DIP2A: variants seen among roughly 807,000 people sequenced by gnomAD.
The protein encoded by DIP2A is disco-interacting protein 2 homolog A.
Under a neutral mutation model 177.4 loss-of-function variants are expected in DIP2A, and 85 were observed. The ratio of observed to expected loss-of-function variants is 0.48; its 90% CI spans 0.40 to 0.57. The LOEUF is 0.57. Ranked by LOEUF, DIP2A falls within the 20% of genes least tolerant of loss-of-function variation. The pLI is 0.00. For synonymous variants in DIP2A, 886 were observed against 881.8 expected (o/e 1.00, Z -0.08); for missense variants, 1,791 against 2,100.2 (o/e 0.85, Z 2.88).
intron 18 of DIP2A, among the ~76,000 whole-genome samples, chr21:46,543,372 T>C (rs1271352350): frequency 2.0e-5 from 3 of 152,216 alleles, no homozygotes; most frequent in Non-Finnish European, 4.4e-5. Context: ...ATTTGTAAAA[T>C]GTGGATTAGG....
chr21:46,510,520 A>T (rs1228359938), intron 7 of DIP2A, among the ~76,000 whole-genome samples: 2 of 152,148 alleles, frequency 1.3e-5, no homozygotes, highest in Non-Finnish European at 2.9e-5. Context: ...GTTTCTTACC[A>T]CTTGGGCAAA....
intron 1 of DIP2A, among the ~76,000 whole-genome samples, chr21:46,478,338 G>A (rs889034653): frequency 4.6e-5 from 7 of 151,806 alleles, no homozygotes; most frequent in Admixed American, 1.3e-4. Context: ...TCAGCCTCCC[G>A]AGTAGCTGGG....
Position 46,538,622 on chromosome 21 carries a change from C to T in DIP2A, c.1921+20C>T, listed in dbSNP as rs114545975. On this transcript the variant is annotated intron_variant, in intron 16 of 37. Transcript: ENST00000417564. ...ACCCGTGTGAGTGAGCCTGTGTGCCCGGCGCATACCCCACACAGTGTCCCC... is the reference window on the plus strand; with the variant it reads ...ACCCGTGTGAGTGAGCCTGTGTGCCTGGCGCATACCCCACACAGTGTCCCC... 2,356 of 1,545,464 alleles carry T rather than the reference C, an allele frequency of 1.5e-3. 37 individuals are homozygous for T. The African/African-American group carries it at 0.028, about 19-fold the overall frequency.
rs747941265 is a variant in DIP2A at position 46,490,714 on chromosome 21, G to A, written c.278G>A (p.Arg93Gln). 4.5e-6 allele frequency: 7 copies of A among 1,572,576 alleles called. No homozygotes were observed. The highest frequency in any genetic ancestry group is 5.2e-6 in the Non-Finnish European group (6 of 1,158,968). The change falls in exon 3 of 38, where the codon CGG (arginine) becomes CAG (glutamine). Residue 93 changes from arginine (R) to glutamine (Q), a missense_variant. Physicochemically the swap from Arg to Gln is conservative, Grantham distance 43 (BLOSUM62 1). Transcript: ENST00000417564. ...ACCGCCTCGAGGGATGAGCGCTTCCGGTCAGGTAGGGTCACAGCCTAGGCA... is the reference window on the plus strand; with the variant it reads ...ACCGCCTCGAGGGATGAGCGCTTCCAGTCAGGTAGGGTCACAGCCTAGGCA... ...RPTASRDERF[R>Q]SDVHTEAVQA...
rs1216198184 is a variant in DIP2A at position 46,533,407 on chromosome 21, A to C, written c.1306-117A>C. ...AATAATGGGACTGAATTATTCTGGA[A>C]GTTTTATGAGGGATGAAAAAAAGAT... On this transcript the variant is annotated intron_variant, in intron 10 of 37. Coordinates refer to ENST00000417564, the MANE Select transcript of DIP2A (RefSeq NM_015151.4). 6 of 1,253,218 alleles carry C rather than the reference A, an allele frequency of 4.8e-6. No homozygotes were observed. In the East Asian group the frequency reaches 1.6e-4, roughly 33 times the overall value. 77.6% of individuals were successfully genotyped at this position (1,253,218 alleles called of 1,614,324 possible).
Position 46,537,775 on chromosome 21 carries a change from C to T in DIP2A, c.1801+236C>T, listed in dbSNP as rs1020189662. ...GGTAAGTAGGGCCACTTGGTGGGGT[C>T]TGGGCCTTACTTCTCTCAACGGTTG... On this transcript the variant is annotated intron_variant, in intron 15 of 37. Transcript: ENST00000417564. This position sits in a 1 kb window ranked among gnomAD's most constrained non-coding sequence, Gnocchi z 4.1. 6.6e-5 allele frequency among the ~76,000 whole-genome samples: 10 copies of T among 152,254 alleles called. No homozygotes were observed. The highest frequency in any genetic ancestry group is 2.1e-4 in the South Asian group (1 of 4,820).
At chr21:46,519,771 C>T (rs915202867) in intron 8 of DIP2A, among the ~76,000 whole-genome samples, 5 of 146,246 alleles carry the variant, frequency 3.4e-5, no homozygotes, top group African/African-American at 1.3e-4. Flanking sequence ...TAGGGATTTT[C>T]ATGAACTGGG....
chr21:46,477,574 T>TGTGTGTGTGTGTGTGTGTGTGTGTGTGTG (rs1292980032), intron 1 of DIP2A, among the ~76,000 whole-genome samples: 1 of 93,724 alleles, frequency 1.1e-5, no homozygotes, highest in East Asian at 2.8e-4. Context: ...TGTGTATTTC[T>TGTGTGTGTGTGTGTGTGTGTGTGTGTGTG]TTTTTTTTTT....
chr21:46,568,995 A>T lies in DIP2A; in HGVS notation c.*1373A>T, dbSNP rs1488377482. ...TAAGCTGAGTGATCTAAAATTATACAGAACCTAAATCAAAGAAGAGAATGT... is the reference window on the plus strand; with the variant it reads ...TAAGCTGAGTGATCTAAAATTATACTGAACCTAAATCAAAGAAGAGAATGT... On this transcript the variant is annotated 3_prime_UTR_variant, in exon 38 of 38. Coordinates refer to ENST00000417564, the MANE Select transcript of DIP2A (RefSeq NM_015151.4). 6.6e-6 allele frequency: 1 copy of T among 152,264 alleles called. No individual in the cohort carries two copies. The highest frequency in any genetic ancestry group is 2.4e-5 in the African/African-American group (1 of 41,472). 9.4% of individuals were successfully genotyped at this position (152,264 alleles called of 1,614,324 possible).
At chr21:46,540,028 G>A (rs202140918) in intron 17 of DIP2A, 37 bp downstream of exon 17, 15 of 1,543,838 alleles carry the variant, frequency 9.7e-6, no homozygotes, top group Non-Finnish European at 1.3e-5. Flanking sequence ...TGAGCACTTA[G>A]TTGAATCTTC....
At chr21:46,482,283 G>T (rs945925706) in intron 1 of DIP2A, among the ~76,000 whole-genome samples, 6 of 152,062 alleles carry the variant, frequency 3.9e-5, no homozygotes, top group Non-Finnish European at 8.8e-5. Flanking sequence ...AGATGTTTCG[G>T]GCAACGATTG....
chr21:46,534,810 A>G, intron 13 of DIP2A, 123 bp downstream of exon 13: 1 of 776,388 alleles, frequency 1.3e-6, no homozygotes, highest in Non-Finnish European at 2.1e-6. Flanking sequence ...TTGCCCATTA[A>G]TCCGGGTCAT....
rs541601247 is a variant in DIP2A, at chr21:46,564,712, G to A, written c.4164+780G>A. 4.6e-5 allele frequency among the ~76,000 whole-genome samples: 7 copies of A among 152,308 alleles called. No individual in the cohort carries two copies. The South Asian group carries it at 1.2e-3, about 27-fold the overall frequency. On this transcript the variant is annotated intron_variant, in intron 35 of 37. Transcript: ENST00000417564. ...CCAGACTGGGGGCTTCCAGCAAGCC[G>A]TGCCCAGAGGGAAATCACTCAGCCT...
chr21:46,549,947 T>TC (rs1283189347), intron 22 of DIP2A, 62 bp downstream of exon 22: 10 of 1,596,670 alleles, frequency 6.3e-6, no homozygotes, highest in Non-Finnish European at 8.5e-6. Context: ...CCCACTCCAC[T>TC]CCAAGTGCCA....
At position 46,550,718 on chromosome 21, in the gene DIP2A, T is replaced by G. The variant is rs2060239560; in HGVS notation, c.2813T>G (p.Leu938Arg). 1 of 1,613,954 alleles carries G rather than the reference T, an allele frequency of 6.2e-7. No individual in the cohort carries two copies. The highest frequency in any genetic ancestry group is 2.2e-5 in the East Asian group (1 of 44,884). The change falls in exon 23 of 38, where the codon CTC (leucine) becomes CGC (arginine). Residue 938 changes from leucine to arginine, a missense_variant. Transcript: ENST00000417564. ...LMCPHTCVTNLPKPRQKQPEV... is the reference protein window; with the variant it reads ...LMCPHTCVTNRPKPRQKQPEV... ...TGCCCTCACACCTGTGTTACCAACCTCCCCAAACCTCGTCAGAAACAACCA... is the reference window on the plus strand; with the variant it reads ...TGCCCTCACACCTGTGTTACCAACCGCCCCAAACCTCGTCAGAAACAACCA...
chr21:46,524,100 C>G (rs1458744593), intron 8 of DIP2A, among the ~76,000 whole-genome samples: 1 of 152,226 alleles, frequency 6.6e-6, no homozygotes, highest in African/African-American at 2.4e-5. Flanking sequence ...AGAAAAAATG[C>G]TCCCATGTTC....
Position 46,493,547 on chromosome 21 carries a change from T to A in DIP2A, c.283+2828T>A, listed in dbSNP as rs550623691. 8.0e-4 allele frequency among the ~76,000 whole-genome samples: 111 copies of A among 138,314 alleles called. 1 individual carries two copies. The highest frequency in any genetic ancestry group is 1.5e-3 in the Non-Finnish European group (94 of 60,980). The allele number at this position is 138,314 out of a possible 152,430, so 90.7% of individuals were successfully genotyped here. A position where few individuals can be genotyped will look rare whatever the true frequency, so the allele number is the denominator to read the frequency against. On this transcript the variant is annotated intron_variant, in intron 3 of 37. Coordinates refer to ENST00000417564, the MANE Select transcript of DIP2A (RefSeq NM_015151.4). Reference sequence around the variant, plus strand: ...AATGATAATTTGGCTGGATATAAAATTCTAGGTTTAACACTTTTTGTCTTC... The same window carrying A: ...AATGATAATTTGGCTGGATATAAAAATCTAGGTTTAACACTTTTTGTCTTC...
chr21:46,468,227 C>G (rs2148292111), intron 1 of DIP2A, among the ~76,000 whole-genome samples: 1 of 140,360 alleles, frequency 7.1e-6, no homozygotes, highest in Non-Finnish European at 1.5e-5. Context: ...GATTGTGCCA[C>G]TGCACTCCAG....
intron 8 of DIP2A, among the ~76,000 whole-genome samples, chr21:46,524,998 G>T (rs531896194): frequency 1.4e-5 from 2 of 140,814 alleles, no homozygotes; most frequent in Non-Finnish European, 3.0e-5. Context: ...CAATTATTAC[G>T]CATCAGCCTC....
Sources: allele counts gnomAD v4.1 joint callset (sites outside exome capture counted in the v4.1 genomes callset), GRCh38; gene constraint gnomAD v4.1.1; non-coding constraint Gnocchi (gnomAD v3.1); transcripts MANE v1.5; gene names NCBI Gene and HGNC (gene_info 2026-07-23, HGNC 2026-07-21).